DYNC2H1: variants seen among roughly 807,000 people sequenced by gnomAD.
DYNC2H1 encodes dynein cytoplasmic 2 heavy chain 1, also known as cytoplasmic dynein 2 heavy chain 1.
Under a neutral mutation model 570.0 loss-of-function variants are expected in DYNC2H1, and 410 were observed. The observed-to-expected ratio is 0.72, with a 90% confidence interval of 0.66 to 0.78. DYNC2H1 has a LOEUF of 0.78. DYNC2H1 is among the 30% of genes least tolerant of loss of function. The probability of loss-of-function intolerance (pLI) is 0.00; values close to 1 mark genes in which losing one functional copy is unlikely to be tolerated. For missense variants in DYNC2H1, 4,865 were observed against 5,046.4 expected (o/e 0.96, Z 1.09); for synonymous variants, 1,688 against 1,677.6 (o/e 1.01, Z -0.15).
intron 60 of DYNC2H1, among the ~76,000 whole-genome samples, chr11:103,232,266 A>C (rs1237249440): frequency 6.6e-6 from 1 of 151,974 alleles, no homozygotes; most frequent in Admixed American, 6.6e-5. Flanking sequence ...AATCCTTAAA[A>C]CAATGATGAG....
chr11:103,296,755 T>C (rs4615988), intron 75 of DYNC2H1, among the ~76,000 whole-genome samples: 52,829 of 151,538 alleles, frequency 0.35, 9,493 homozygotes, highest in Non-Finnish European at 0.39. Flanking sequence ...TTTTTCAGCA[T>C]ACAAATATAT....
intron 84 of DYNC2H1, among the ~76,000 whole-genome samples, chr11:103,413,813 A>C (rs929052353): frequency 6.6e-6 from 1 of 152,186 alleles, no homozygotes; most frequent in Non-Finnish European, 1.5e-5. Flanking sequence ...TATAACAAGA[A>C]TCTTTAATCT....
At position 103,128,892 on chromosome 11, in the gene DYNC2H1, T is replaced by C; in HGVS notation, c.1858-18T>C. 1 of 1,521,558 alleles carries C rather than the reference T, an allele frequency of 6.6e-7. No individual in the cohort carries two copies. The highest frequency in any genetic ancestry group is 8.9e-7 in the Non-Finnish European group (1 of 1,123,306). 94.3% of individuals were successfully genotyped at this position (1,521,558 alleles called of 1,614,324 possible). On this transcript the variant is annotated intron_variant, in intron 12 of 88. Coordinates refer to ENST00000375735, the MANE Select transcript of DYNC2H1 (RefSeq NM_001377.3). ...AATGAAGTTATTAATTATTACTAAT[T>C]GGACTTTTACTTTGTAGGTGGCACA...
chr11:103,371,332 AAG>A, intron 83 of DYNC2H1, among the ~76,000 whole-genome samples: 2 of 152,280 alleles, frequency 1.3e-5, no homozygotes, highest in South Asian at 4.1e-4. Flanking sequence ...GGGCACATCT[AAG>A]AGTTATTGGC....
rs1310378983 is a variant in DYNC2H1 at position 103,152,293 on chromosome 11, T to G, written c.3096+8T>G. The G allele has an allele frequency of 3.2e-6, 5 of 1,572,062 alleles. No homozygotes were observed. The highest frequency in any genetic ancestry group is 4.3e-6 in the Non-Finnish European group (5 of 1,167,310). On this transcript the variant is annotated splice_region_variant and intron_variant, in intron 21 of 88. Transcript: ENST00000375735. ...CTTATGATTAAAGACCAGGTTAGAA[T>G]CTTTTAATTATTTATTAAAATGGGA...
chr11:103,177,954 G>A lies in DYNC2H1; in HGVS notation c.6139+134G>A. 9.5e-7 allele frequency: 1 copy of A among 1,050,426 alleles called. No homozygotes were observed. The highest frequency in any genetic ancestry group is 1.3e-6 in the Non-Finnish European group (1 of 770,330). 65.1% of individuals were successfully genotyped at this position (1,050,426 alleles called of 1,614,324 possible). On this transcript the variant is annotated intron_variant, in intron 38 of 88. Transcript: ENST00000375735. The surrounding 1 kb of genome is among the most constrained non-coding windows in gnomAD (Gnocchi z 4.4). ...AATTAAGTTAAAATGATGTACATTTGATATTTTACTTTGGAGGGGGCCAAG... is the reference window on the plus strand; with the variant it reads ...AATTAAGTTAAAATGATGTACATTTAATATTTTACTTTGGAGGGGGCCAAG...
chr11:103,302,936 A>G (rs1867108658), intron 75 of DYNC2H1, among the ~76,000 whole-genome samples, 157 bp from the exon 76 acceptor site: 1 of 152,110 alleles, frequency 6.6e-6, no homozygotes, highest in Admixed American at 6.6e-5. Flanking sequence ...GATGTTGGCT[A>G]TTACTAGTAT....
chr11:103,434,691 A>G (rs1944002073), intron 84 of DYNC2H1, among the ~76,000 whole-genome samples: 1 of 152,050 alleles, frequency 6.6e-6, no homozygotes, highest in East Asian at 1.9e-4. Context: ...AAAATCATTT[A>G]TTTTTAGCTT....
intron 75 of DYNC2H1, among the ~76,000 whole-genome samples, chr11:103,291,243 G>A (rs1591532444): frequency 6.6e-6 from 1 of 152,222 alleles, no homozygotes; most frequent in Admixed American, 6.5e-5. Flanking sequence ...TTTGAGACCA[G>A]CCTGGACAAC....
chr11:103,477,560 A>G (rs1251314102), intron 88 of DYNC2H1, among the ~76,000 whole-genome samples: 2 of 152,152 alleles, frequency 1.3e-5, no homozygotes, highest in Non-Finnish European at 2.9e-5. Flanking sequence ...GGCCGGATGC[A>G]GTGGCTCACG....
At chr11:103,216,791 A>T (rs946807149) in intron 55 of DYNC2H1, among the ~76,000 whole-genome samples, 11 of 151,014 alleles carry the variant, frequency 7.3e-5, no homozygotes, top group African/African-American at 2.7e-4. Context: ...AAGACTCTCA[A>T]AAAAAAAAAA....
rs1452295237 is a variant in DYNC2H1, at chr11:103,163,952, G to T, written c.4611+805G>T. 6.6e-6 allele frequency among the ~76,000 whole-genome samples: 1 copy of T among 152,112 alleles called. No individual in the cohort carries two copies. Among genetic ancestry groups the T allele is most frequent in the Non-Finnish European group, 1.5e-5 (1 of 68,008 alleles). ...GGAAGCTTGGAACAGTTTACATTCTGAACCATTTTCTCATACATGCCATTT... is the reference window on the plus strand; with the variant it reads ...GGAAGCTTGGAACAGTTTACATTCTTAACCATTTTCTCATACATGCCATTT... On this transcript the variant is annotated intron_variant, in intron 30 of 88. Transcript: ENST00000375735. This position sits in a 1 kb window ranked among gnomAD's most constrained non-coding sequence, Gnocchi z 4.6.
At chr11:103,400,673 G>T in intron 84 of DYNC2H1, among the ~76,000 whole-genome samples, 3 of 148,144 alleles carry the variant, frequency 2.0e-5, no homozygotes, top group Non-Finnish European at 3.0e-5. Context: ...TTTTTTTCAC[G>T]CCCCCTTGCT....
At position 103,285,666 on chromosome 11, in the gene DYNC2H1, C is replaced by T. The variant is rs185971992; in HGVS notation, c.10891-589C>T. 5.8e-3 allele frequency among the ~76,000 whole-genome samples: 886 copies of T among 151,964 alleles called. 6 individuals carry two copies. The highest frequency in any genetic ancestry group is 0.02 in the African/African-American group (843 of 41,452). On this transcript the variant is annotated intron_variant, in intron 73 of 88. Transcript: ENST00000375735. ...TGTCAAACTCCTGACCTCAGGTGATCTGCCCGCCTCAGCCTCCCAAAGTGC... is the reference window on the plus strand; with the variant it reads ...TGTCAAACTCCTGACCTCAGGTGATTTGCCCGCCTCAGCCTCCCAAAGTGC...
At chr11:103,197,660 C>G (rs1862554902) in intron 47 of DYNC2H1, among the ~76,000 whole-genome samples, 1 of 152,118 alleles carries the variant, frequency 6.6e-6, no homozygotes, top group Admixed American at 6.6e-5. Flanking sequence ...GTTGCCTAAG[C>G]TGGCCTTGAC....
chr11:103,409,229 TAAG>T (rs775468013), intron 84 of DYNC2H1, among the ~76,000 whole-genome samples: 21 of 152,098 alleles, frequency 1.4e-4, no homozygotes, highest in African/African-American at 4.3e-4. Flanking sequence ...GTATAAATAA[TAAG>T]GTGCTTATTG....
At chr11:103,408,788 C>T (rs1412991254) in intron 84 of DYNC2H1, among the ~76,000 whole-genome samples, 3 of 152,090 alleles carry the variant, frequency 2.0e-5, no homozygotes, top group South Asian at 2.1e-4. Flanking sequence ...TATGTTAACT[C>T]GCTTAGACTA....
chr11:103,406,732 G>A (rs1178058040), intron 84 of DYNC2H1: 1 of 151,938 alleles, frequency 6.6e-6, no homozygotes, highest in African/African-American at 2.4e-5. Context: ...TTGTGTAGCT[G>A]TGTTTGATTA....
At chr11:103,473,689 C>A (rs964636342) in intron 88 of DYNC2H1, among the ~76,000 whole-genome samples, 1 of 152,182 alleles carries the variant, frequency 6.6e-6, no homozygotes, top group African/African-American at 2.4e-5. Flanking sequence ...TTGGTCAACA[C>A]TGCTTTATGA....
Sources: allele counts gnomAD v4.1 joint callset (sites outside exome capture counted in the v4.1 genomes callset), GRCh38; gene constraint gnomAD v4.1.1; non-coding constraint Gnocchi (gnomAD v3.1); transcripts MANE v1.5; gene names NCBI Gene and HGNC (gene_info 2026-07-23, HGNC 2026-07-21).